The following PXDNL variants were observed in gnomAD, a reference collection of about 807,000 sequenced individuals.
PXDNL encodes the protein peroxidasin like.
In PXDNL, 145 loss-of-function variants were observed where a neutral mutation model predicts 150.8. The observed-to-expected ratio is 0.96, with a 90% CI of 0.84 to 1.10. The LOEUF (loss-of-function observed/expected upper bound fraction) is 1.10. Ranked by LOEUF, PXDNL falls within the 50% of genes least tolerant of loss-of-function variation. The pLI is 0.00. For missense variants in PXDNL, 2,087 were observed against 1,873.9 expected (o/e 1.11, Z -2.10); for synonymous variants, 757 against 725.7 (o/e 1.04, Z -0.69).
chr8:51,327,117 T>G (rs1378396042), intron 21 of PXDNL, among the ~76,000 whole-genome samples: 1 of 152,172 alleles, frequency 6.6e-6, no homozygotes, highest in East Asian at 1.9e-4. Context: ...TGCTCCTTCC[T>G]CTGGGTTGGA....
chr8:51,530,118 T>A (rs1265446289), intron 4 of PXDNL, among the ~76,000 whole-genome samples: 2 of 152,144 alleles, frequency 1.3e-5, no homozygotes, highest in South Asian at 4.1e-4. Flanking sequence ...GATGTGGGGT[T>A]GGCAGCTGGG....
chr8:51,644,907 A>G (rs1025376916), intron 2 of PXDNL, among the ~76,000 whole-genome samples: 2 of 151,852 alleles, frequency 1.3e-5, no homozygotes, highest in African/African-American at 4.8e-5. Flanking sequence ...TAGGTGGAAG[A>G]GAAGACTTTT....
intron 1 of PXDNL, among the ~76,000 whole-genome samples, chr8:51,704,020 G>A (rs1816311551): frequency 6.6e-6 from 1 of 152,142 alleles, no homozygotes; most frequent in Non-Finnish European, 1.5e-5. Flanking sequence ...AAATATGCAT[G>A]TACTCATGGC....
At chr8:51,691,676 A>G (rs1816002472) in intron 1 of PXDNL, among the ~76,000 whole-genome samples, 1 of 152,212 alleles carries the variant, frequency 6.6e-6, no homozygotes, top group Admixed American at 6.5e-5. Flanking sequence ...CAACTAATTA[A>G]TAGTACCACT....
intron 1 of PXDNL, among the ~76,000 whole-genome samples, chr8:51,801,152 G>C (rs745921915): frequency 6.6e-6 from 1 of 152,092 alleles, no homozygotes; most frequent in African/African-American, 2.4e-5. Context: ...GCATTCCTGG[G>C]GGGAGGTCTA....
At chr8:51,469,171 A>G (rs1810268647) in intron 8 of PXDNL, among the ~76,000 whole-genome samples, 1 of 151,998 alleles carries the variant, frequency 6.6e-6, no homozygotes, top group African/African-American at 2.4e-5. Flanking sequence ...CTCTAAATAT[A>G]TTTCATTGTC....
At chr8:51,599,072 G>A (rs1005278132) in intron 2 of PXDNL, among the ~76,000 whole-genome samples, 4 of 152,042 alleles carry the variant, frequency 2.6e-5, no homozygotes, top group Non-Finnish European at 4.4e-5. Flanking sequence ...CTGTAGGATT[G>A]GTTGTAATAT....
chr8:51,683,532 C>G (rs1815804441), intron 1 of PXDNL, among the ~76,000 whole-genome samples: 1 of 151,886 alleles, frequency 6.6e-6, no homozygotes. Context: ...GACATAAAGT[C>G]TCAATTATGC....
chr8:51,537,495 G>A (rs773472071), intron 4 of PXDNL, among the ~76,000 whole-genome samples: 1 of 152,128 alleles, frequency 6.6e-6, no homozygotes, highest in Non-Finnish European at 1.5e-5. Flanking sequence ...TGCACTGCTT[G>A]AAGCTGGACA....
intron 19 of PXDNL, among the ~76,000 whole-genome samples, chr8:51,369,971 C>T (rs972421376): frequency 3.9e-5 from 6 of 152,160 alleles, no homozygotes; most frequent in Non-Finnish European, 8.8e-5. Context: ...AGAGGAACTG[C>T]CCTTGGTGGG....
chr8:51,664,473 C>T (rs760675848), intron 1 of PXDNL, among the ~76,000 whole-genome samples: 12 of 152,094 alleles, frequency 7.9e-5, no homozygotes, highest in Non-Finnish European at 1.6e-4. Flanking sequence ...CCTCCAAATG[C>T]CCGTGTGCCT....
At chr8:51,758,861 T>C (rs1241380656) in intron 1 of PXDNL, among the ~76,000 whole-genome samples, 1 of 152,240 alleles carries the variant, frequency 6.6e-6, no homozygotes, top group Non-Finnish European at 1.5e-5. Flanking sequence ...GTGCTTGTGC[T>C]TTCTCTTACC....
intron 3 of PXDNL, among the ~76,000 whole-genome samples, chr8:51,573,244 C>A (rs1312308557): frequency 2.0e-5 from 3 of 151,954 alleles, no homozygotes; most frequent in Non-Finnish European, 2.9e-5. Context: ...GCACCCAACA[C>A]CCCCATAGCT....
chr8:51,638,437 T>C (rs1814657072), intron 2 of PXDNL, among the ~76,000 whole-genome samples: 1 of 152,242 alleles, frequency 6.6e-6, no homozygotes, highest in African/African-American at 2.4e-5. Context: ...CCCATCAGTG[T>C]GCTGTATTCA....
At chr8:51,521,328 TA>T (rs61154077) in intron 4 of PXDNL, among the ~76,000 whole-genome samples, 146,812 of 151,866 alleles carry the variant, frequency 0.97, 71,126 homozygotes, top group East Asian at 1. Context: ...ATGGAAACTA[TA>T]AAAAAAAAGA....
chr8:51,752,715 T>C (rs1382327976), intron 1 of PXDNL, among the ~76,000 whole-genome samples: 3 of 152,186 alleles, frequency 2.0e-5, no homozygotes, highest in Non-Finnish European at 4.4e-5. Context: ...AAATTACTGT[T>C]CATGCCTTTA....
In PXDNL at chr8:51,319,968, G is replaced by GACTGGGA; in HGVS notation, c.4308_4314dup (p.Pro1439SerfsTer4). ...CAGCAGGTTCCTTTCACCAATTCAGGACTGGGACAGGGAGCCGGGGGACAA... is the reference window on the plus strand; with the variant it reads ...CAGCAGGTTCCTTTCACCAATTCAGGACTGGGAACTGGGACAGGGAGCCGGGGGACAA... On this transcript the variant is annotated frameshift_variant, in exon 23 of 23. Transcript: ENST00000356297. LOFTEE classifies it low-confidence loss of function (END_TRUNC). 1 of 1,579,810 alleles carries GACTGGGA rather than the reference G, an allele frequency of 6.3e-7. No individual in the cohort carries two copies. Among genetic ancestry groups the GACTGGGA allele is most frequent in the South Asian group, 1.2e-5 (1 of 85,720 alleles).
intron 17 of PXDNL, among the ~76,000 whole-genome samples, chr8:51,394,552 A>G (rs1363879721): frequency 6.6e-6 from 1 of 152,220 alleles, no homozygotes; most frequent in Non-Finnish European, 1.5e-5. Flanking sequence ...GGTGGCTAGT[A>G]TACCCTTGGA....
chr8:51,554,287 G>A (rs1392662259), intron 4 of PXDNL, among the ~76,000 whole-genome samples: 2 of 152,132 alleles, frequency 1.3e-5, no homozygotes, highest in South Asian at 2.1e-4. Context: ...GGTAGTGAAT[G>A]CTGATTTTTT....
Sources: gnomAD v4.1 joint callset for allele counts (sites outside exome capture counted in the v4.1 genomes callset) on GRCh38, gnomAD v4.1.1 for gene constraint, MANE v1.5 for transcripts, NCBI Gene and HGNC (gene_info 2026-07-23, HGNC 2026-07-21) for gene names.